Variants in RGS6 observed in about 807,000 individuals in gnomAD.
RGS6 encodes regulator of G protein signaling 6.
RGS6 carries 30 observed loss-of-function variants against 78.5 expected under a neutral mutation model. The ratio of observed to expected loss-of-function variants is 0.38; its 90% confidence interval spans 0.29 to 0.52. RGS6 has a LOEUF of 0.52. Among genes scored for constraint, RGS6 ranks in the 20% least tolerant of loss-of-function variants. The probability of loss-of-function intolerance (pLI) is 0.85; values close to 1 mark genes in which losing one functional copy is unlikely to be tolerated. For synonymous variants in RGS6, 206 were observed against 206.0 expected, an observed-to-expected ratio of 1.00 and a Z score of 0.00; for missense variants, 495 against 609.7, an observed-to-expected ratio of 0.81 and a Z score of 1.98.
At chr14:72,478,449 C>T in intron 12 of RGS6, 120 bp downstream of exon 12, 2 of 730,412 alleles carry the variant, frequency 2.7e-6, no homozygotes, top group Admixed American at 2.5e-5. Flanking sequence ...ATTCCTTAGA[C>T]TGGGGTGCAG....
chr14:71,937,144 G>T (rs2089592557), intron 1 of RGS6, among the ~76,000 whole-genome samples: 1 of 152,148 alleles, frequency 6.6e-6, no homozygotes. Flanking sequence ...GATAGTCCAG[G>T]TCAATCATGC....
At chr14:71,975,606 G>A (rs548146588) in intron 2 of RGS6, among the ~76,000 whole-genome samples, 7 of 152,094 alleles carry the variant, frequency 4.6e-5, no homozygotes, top group South Asian at 2.1e-4. Flanking sequence ...CTAGAGGTGC[G>A]TGCCACCACG....
chr14:72,110,002 C>CA (rs1318210135), intron 2 of RGS6, among the ~76,000 whole-genome samples: 1 of 152,038 alleles, frequency 6.6e-6, no homozygotes, highest in Non-Finnish European at 1.5e-5. Context: ...TTGTTACCAC[C>CA]AAAAAAAGAA....
intron 3 of RGS6, among the ~76,000 whole-genome samples, chr14:72,432,824 A>C (rs1375933078): frequency 6.6e-6 from 1 of 152,188 alleles, no homozygotes; most frequent in Non-Finnish European, 1.5e-5. Flanking sequence ...CCATGTTTCT[A>C]AGAGTAGCCA....
At chr14:72,547,216 G>A (rs1277266538) in intron 17 of RGS6, 1 of 1,535,580 alleles carries the variant, frequency 6.5e-7, no homozygotes, top group Non-Finnish European at 8.7e-7. Flanking sequence ...GGGGGCCAGA[G>A]AAAGAGCATC....
At chr14:72,142,826 G>A (rs1342210511) in intron 2 of RGS6, among the ~76,000 whole-genome samples, 1 of 152,118 alleles carries the variant, frequency 6.6e-6, no homozygotes, top group East Asian at 1.9e-4. Context: ...TGGTTTAAGG[G>A]GTTCTTAATG....
At chr14:72,567,380 C>T (rs138066239), downstream of RGS6, among the ~76,000 whole-genome samples, 775 of 152,342 alleles carry the variant, frequency 5.1e-3, 4 homozygotes, top group Middle Eastern at 0.014. Context: ...ACCCAAGCTG[C>T]GCCTGCCTTC....
chr14:72,247,180 C>T (rs550918495), intron 2 of RGS6, among the ~76,000 whole-genome samples: 1 of 152,290 alleles, frequency 6.6e-6, no homozygotes, highest in South Asian at 2.1e-4. Context: ...GTTTTCCATA[C>T]AATGTAGCAA....
chr14:72,429,706 C>A (rs553496301), intron 3 of RGS6, among the ~76,000 whole-genome samples: 3 of 152,312 alleles, frequency 2.0e-5, no homozygotes, highest in African/African-American at 7.2e-5. Flanking sequence ...AGATGGGCTA[C>A]ATAAATAGGA....
chr14:71,886,868 A>AT, the RGS6 span, among the ~76,000 whole-genome samples: 1,626 of 152,312 alleles, frequency 0.011, 40 homozygotes, highest in African/African-American at 0.035. Flanking sequence ...AATGCAAGAG[A>AT]TGCTGAGAAC....
chr14:72,600,084 T>C, the RGS6 span, among the ~76,000 whole-genome samples: 1 of 151,660 alleles, frequency 6.6e-6, no homozygotes, highest in Non-Finnish European at 1.5e-5. Flanking sequence ...TCCCTGTCCT[T>C]CCCCCCTCCC....
At chr14:72,163,332 T>C (rs1416741283) in intron 2 of RGS6, among the ~76,000 whole-genome samples, 1 of 152,190 alleles carries the variant, frequency 6.6e-6, no homozygotes, top group Admixed American at 6.5e-5. Context: ...TAAAAGAGAA[T>C]GACTACAGGA....
Position 72,397,694 on chromosome 14 carries a change from C to A in RGS6, c.184+45500C>A, listed in dbSNP as rs368528180. Among the ~76,000 whole-genome samples, 28 of 152,200 alleles carry A rather than the reference C, an allele frequency of 1.8e-4. No homozygotes were observed. The East Asian group carries it at 5.2e-3, about 28-fold the overall frequency. On this transcript the variant is annotated intron_variant, in intron 3 of 17. Coordinates refer to ENST00000553525, the MANE Select transcript of RGS6 (RefSeq NM_001204424.2). Reference sequence around the variant, plus strand: ...TGATATTGGCTGTGGGTTTGTCATACATAGCTCTTATTATTTTGAGATACA... The same window carrying A: ...TGATATTGGCTGTGGGTTTGTCATAAATAGCTCTTATTATTTTGAGATACA...
intron 1 of RGS6, among the ~76,000 whole-genome samples, chr14:71,936,776 A>T (rs1392058673): frequency 6.6e-6 from 1 of 152,236 alleles, no homozygotes; most frequent in Non-Finnish European, 1.5e-5. Context: ...GAGTGTATAT[A>T]TACACAAACA....
At chr14:72,261,215 A>T (rs1044239784) in intron 2 of RGS6, among the ~76,000 whole-genome samples, 1 of 152,148 alleles carries the variant, frequency 6.6e-6, no homozygotes, top group South Asian at 2.1e-4. Context: ...AGCCAAGAGA[A>T]TTGAAAACAG....
In RGS6 at chr14:72,210,420, G is replaced by A. The variant is rs192267827; in HGVS notation, c.85-141675G>A. ...TTTGTCCAAAATTTAACACCTGTGT[G>A]TGTCTAATCAAGGAAGGACATGATA... is the stretch of plus-strand genomic sequence containing the variant. On this transcript the variant is annotated intron_variant, in intron 2 of 17. Transcript: ENST00000553525. Among the ~76,000 whole-genome samples, 725 of 152,312 alleles carry A rather than the reference G, an allele frequency of 4.8e-3. 9 individuals carry two copies. The highest frequency in any genetic ancestry group is 0.016 in the African/African-American group (655 of 41,580).
chr14:72,627,121 AC>A, the RGS6 span, among the ~76,000 whole-genome samples: 2 of 152,022 alleles, frequency 1.3e-5, no homozygotes, highest in East Asian at 3.9e-4. Context: ...TTGTCTTTTG[AC>A]TTTATCATGT....
intron 6 of RGS6, among the ~76,000 whole-genome samples, chr14:72,465,057 T>G (rs7140384): frequency 9.0e-4 from 137 of 152,206 alleles, no homozygotes; most frequent in African/African-American, 3.1e-3. Flanking sequence ...GGTTGCCAGA[T>G]AGAGGGAAGG....
rs115772483 is a variant in RGS6 at position 71,939,718 on chromosome 14, A to G, written c.-21+6777A>G. ...GCATCACCACTTGGTTAAACTTATG[A>G]TAATCCACTATCATTCTCCAAGATG... On this transcript the variant is annotated intron_variant, in intron 1 of 17. Coordinates refer to ENST00000553525, the MANE Select transcript of RGS6 (RefSeq NM_001204424.2). 4.9e-3 allele frequency among the ~76,000 whole-genome samples: 744 copies of G among 152,362 alleles called. 7 individuals carry two copies. Among genetic ancestry groups the G allele is most frequent in the African/African-American group, 0.017 (711 of 41,584 alleles).
Sources: gnomAD v4.1 joint callset for allele counts (sites outside exome capture counted in the v4.1 genomes callset) on GRCh38, gnomAD v4.1.1 for gene constraint, MANE v1.5 for transcripts, NCBI Gene and HGNC (gene_info 2026-07-23, HGNC 2026-07-21) for gene names.